The following ADAMTS17 variants were observed in gnomAD, a reference collection of about 807,000 sequenced individuals.
The protein encoded by ADAMTS17 is ADAM metallopeptidase with thrombospondin type 1 motif 17.
Under a neutral mutation model 141.5 loss-of-function variants are expected in ADAMTS17, and 113 were observed. The ratio of observed to expected loss-of-function variants is 0.80; its 90% CI spans 0.69 to 0.93. The LOEUF (loss-of-function observed/expected upper bound fraction) is 0.93. Ranked by LOEUF, ADAMTS17 falls within the 40% of genes least tolerant of loss-of-function variation. The pLI is 0.00. For missense variants in ADAMTS17, 1,659 were observed against 1,517.9 expected (o/e 1.09, Z -1.54); for synonymous variants, 768 against 630.6 (o/e 1.22, Z -3.27).
intron 4 of ADAMTS17, among the ~76,000 whole-genome samples, chr15:100,273,612 A>G (rs7182059): frequency 0.17 from 26,041 of 151,912 alleles, 2,431 homozygotes; most frequent in East Asian, 0.35. Flanking sequence ...AGGTTTGTCA[A>G]TTTTCTTAAT....
In ADAMTS17 at chr15:100,334,773, A is replaced by G. The variant is rs58308345; in HGVS notation, c.451-3719T>C. ...GCACAGACGCTTGGTCTTCTTCCCA[A>G]AGCAAGCCTCTCCTTGGTAATGTGG... On this transcript the variant is annotated intron_variant, in intron 2 of 21. Transcript: ENST00000268070. Among the ~76,000 whole-genome samples the G allele has an allele frequency of 5.8e-3, 889 of 152,204 alleles. 52 individuals are homozygous for G. In the East Asian group the frequency reaches 0.15, roughly 25 times the overall value.
At chr15:100,327,208 A>C (rs573234762) in intron 3 of ADAMTS17, among the ~76,000 whole-genome samples, 3 of 152,338 alleles carry the variant, frequency 2.0e-5, no homozygotes, top group African/African-American at 7.2e-5. Flanking sequence ...GAGGATATAC[A>C]CGTATTATAC....
intron 3 of ADAMTS17, among the ~76,000 whole-genome samples, chr15:100,311,465 A>G (rs2045402984): frequency 6.6e-6 from 1 of 152,188 alleles, no homozygotes; most frequent in African/African-American, 2.4e-5. Context: ...TTTAAATAAT[A>G]AACTATGAAT....
intron 2 of ADAMTS17, among the ~76,000 whole-genome samples, chr15:100,332,835 G>A (rs1294571880): frequency 2.6e-5 from 4 of 152,166 alleles, no homozygotes; most frequent in Admixed American, 1.3e-4. Flanking sequence ...GTGGGTACTC[G>A]CCCCGGCAGC....
intron 2 of ADAMTS17, among the ~76,000 whole-genome samples, chr15:100,339,715 C>G (rs2141991666): frequency 6.6e-6 from 1 of 152,070 alleles, no homozygotes; most frequent in Non-Finnish European, 1.5e-5. Flanking sequence ...CAGGCCCCCT[C>G]CAAGGGTCTA....
In ADAMTS17 at chr15:99,993,753, G is replaced by A. The variant is rs573498244; in HGVS notation, c.2797-553C>T. ...AGATGACTTTCTCGTGAGGCAGGTG[G>A]AAAGCCTTTGCAGAGAGCTCCAGTG... On this transcript the variant is annotated intron_variant, in intron 19 of 21. Transcript: ENST00000268070. The surrounding 1 kb of genome is among the most constrained non-coding windows in gnomAD (Gnocchi z 4.3). 4.6e-5 allele frequency among the ~76,000 whole-genome samples: 7 copies of A among 152,322 alleles called. No individual in the cohort carries two copies. The South Asian group carries it at 1.4e-3, about 32-fold the overall frequency.
chr15:100,328,591 CTT>C (rs747636751), intron 3 of ADAMTS17, among the ~76,000 whole-genome samples: 47 of 152,128 alleles, frequency 3.1e-4, no homozygotes, highest in Non-Finnish European at 6.0e-4. Context: ...CGTGGCTGCT[CTT>C]GTTTTAACTT....
intron 3 of ADAMTS17, among the ~76,000 whole-genome samples, chr15:100,296,007 G>A (rs2044796470): frequency 6.6e-6 from 1 of 152,166 alleles, no homozygotes; most frequent in Non-Finnish European, 1.5e-5. Context: ...TCAATAGGGT[G>A]TCCTGTGATG....
chr15:100,073,066 G>GAAAA (rs1468649279), intron 15 of ADAMTS17, among the ~76,000 whole-genome samples: 3 of 151,832 alleles, frequency 2.0e-5, no homozygotes, highest in Non-Finnish European at 4.4e-5. Flanking sequence ...AAATCTACAA[G>GAAAA]AAAAAAACAA....
At chr15:100,299,511 AAG>A (rs201713931) in intron 3 of ADAMTS17, among the ~76,000 whole-genome samples, 15,399 of 151,102 alleles carry the variant, frequency 0.1, 1,251 homozygotes, top group East Asian at 0.31. Context: ...ATTGATGGAA[AAG>A]AAAAAAAAAA....
chr15:100,089,774 T>C (rs916105895), intron 15 of ADAMTS17, among the ~76,000 whole-genome samples: 10 of 144,898 alleles, frequency 6.9e-5, no homozygotes, highest in African/African-American at 1.6e-4. Context: ...AAGGTGGGAA[T>C]TGAACAATGA....
At chr15:100,124,747 G>A (rs923974199) in intron 12 of ADAMTS17, among the ~76,000 whole-genome samples, 2 of 151,010 alleles carry the variant, frequency 1.3e-5, no homozygotes, top group Non-Finnish European at 3.0e-5. Context: ...AAAGAGTAAG[G>A]TAGAGAGGCT....
At position 99,996,215 on chromosome 15, in the gene ADAMTS17, CG is replaced by C. The variant is rs1026857769; in HGVS notation, c.2796+1169del. 3.3e-4 allele frequency among the ~76,000 whole-genome samples: 50 copies of C among 152,048 alleles called. 2 individuals carry two copies. Among genetic ancestry groups the C allele is most frequent in the Non-Finnish European group, 1.2e-4 (8 of 68,020 alleles). On this transcript the variant is annotated intron_variant, in intron 19 of 21. Transcript: ENST00000268070. ...GATTACAGGCATGCGCCACCATGCCCGGCTAATTTTTTGTATTTAGTAGAGA... is the reference window on the plus strand; with the variant it reads ...GATTACAGGCATGCGCCACCATGCCCGCTAATTTTTTGTATTTAGTAGAGA...
rs180943687 is a variant in ADAMTS17 at position 100,119,218 on chromosome 15, G to C, written c.1722-2205C>G. On this transcript the variant is annotated intron_variant, in intron 12 of 21. Coordinates refer to ENST00000268070, the MANE Select transcript of ADAMTS17 (RefSeq NM_139057.4). ...GGACTTCCAGCCTCCAGGACTGTAC[G>C]ACAATAACTTCTGGTTGTTGAAGCC... Among the ~76,000 whole-genome samples, 106 of 152,208 alleles carry C rather than the reference G, an allele frequency of 7.0e-4. 1 individual carries two copies. The highest frequency in any genetic ancestry group is 6.8e-3 in the Middle Eastern group (2 of 294).
At chr15:100,314,899 C>T (rs1042831274) in intron 3 of ADAMTS17, among the ~76,000 whole-genome samples, 3 of 152,190 alleles carry the variant, frequency 2.0e-5, no homozygotes, top group African/African-American at 7.2e-5. Context: ...ACCTGGGACA[C>T]CCTGTTTGGA....
At position 100,337,855 on chromosome 15, in the gene ADAMTS17, T is replaced by C. The variant is rs567404476; in HGVS notation, c.450+3184A>G. On this transcript the variant is annotated intron_variant, in intron 2 of 21. Transcript: ENST00000268070. The stretch of plus-strand genomic sequence containing the variant: ...GCTGTTCTTGAAGTGCCCTCTCCGC[T>C]ATCCTGTCTACCTATGAAGTTCAGC... Among the ~76,000 whole-genome samples the C allele has an allele frequency of 2.0e-5, 3 of 152,356 alleles. No individual in the cohort carries two copies. In the East Asian group the frequency reaches 5.8e-4, roughly 29 times the overall value.
At chr15:100,068,260 C>T (rs1481066643) in intron 15 of ADAMTS17, among the ~76,000 whole-genome samples, 4 of 152,148 alleles carry the variant, frequency 2.6e-5, no homozygotes, top group Admixed American at 6.5e-5. Flanking sequence ...CCGGGAAGCT[C>T]GAACTGGGTG....
intron 3 of ADAMTS17, among the ~76,000 whole-genome samples, chr15:100,293,167 C>T (rs955132666): frequency 2.6e-5 from 4 of 152,076 alleles, no homozygotes; most frequent in Non-Finnish European, 4.4e-5. Context: ...GAGTTATTAT[C>T]GCACCCAGAA....
At chr15:100,115,499 T>C (rs2037059947) in intron 13 of ADAMTS17, among the ~76,000 whole-genome samples, 1 of 152,192 alleles carries the variant, frequency 6.6e-6, no homozygotes, top group Admixed American at 6.5e-5. Context: ...TGAGTCCTCA[T>C]CTGAGTGGGC....
Sources: allele counts gnomAD v4.1 joint callset (sites outside exome capture counted in the v4.1 genomes callset), GRCh38; gene constraint gnomAD v4.1.1; non-coding constraint Gnocchi (gnomAD v3.1); transcripts MANE v1.5; gene names NCBI Gene and HGNC (gene_info 2026-07-23, HGNC 2026-07-21).